The following ORC2 variants were observed in gnomAD, a reference collection of about 807,000 sequenced individuals.
ORC2 encodes origin recognition complex protein 2 homolog.
A neutral mutation model predicts 77.7 loss-of-function variants in ORC2; 37 were observed. The ratio of observed to expected loss-of-function variants is 0.48; its 90% CI spans 0.37 to 0.63. The LOEUF is 0.63. Ranked by LOEUF, ORC2 falls within the 20% of genes least tolerant of loss-of-function variation. The pLI, the probability that ORC2 is intolerant of heterozygous loss-of-function variation, is 0.00. For missense variants in ORC2, 557 were observed against 661.9 expected (o/e 0.84, Z 1.74); for synonymous variants, 201 against 229.5 (o/e 0.88, Z 1.12).
chr2:200,931,428 C>G lies in ORC2; in HGVS notation c.828G>C (p.Leu276Phe), dbSNP rs201070666. The G allele has an allele frequency of 6.5e-7, 1 of 1,547,862 alleles. No homozygotes were observed. The highest frequency in any genetic ancestry group is 8.7e-7 in the Non-Finnish European group (1 of 1,151,952). ...CAGAAAAGGAAGGGGAAACCTTGCT[C>G]AATAAGTTACGCAAAGTTTGCTTTA... ...KLDQQTLRNL[L>F]SKVSPSFSAE... The change falls in exon 11 of 18, where the codon TTG (leucine) becomes TTC (phenylalanine). Residue 276 changes from leucine to phenylalanine, a missense_variant. Physicochemically the swap from Leu to Phe is conservative, Grantham distance 22. Transcript: ENST00000234296.
chr2:200,942,592 T>A (rs572243667), intron 6 of ORC2, 93 bp downstream of exon 6: 1 of 578,376 alleles, frequency 1.7e-6, no homozygotes, highest in Admixed American at 3.6e-5. Flanking sequence ...GAAGAAAATA[T>A]ATATAAAAAT....
chr2:200,941,344 T>C, intron 6 of ORC2, 65 bp from the exon 7 acceptor site: 1 of 1,467,638 alleles, frequency 6.8e-7, no homozygotes. Flanking sequence ...TGGTCTAGTT[T>C]CATTAAAAGT....
intron 7 of ORC2, among the ~76,000 whole-genome samples, chr2:200,940,956 A>G (rs1170490518): frequency 6.6e-6 from 1 of 152,054 alleles, no homozygotes; most frequent in Admixed American, 6.6e-5. Flanking sequence ...AAAACCCCAA[A>G]CATTTTCAGG....
At chr2:200,934,845 GC>G (rs2041007572) in intron 9 of ORC2, among the ~76,000 whole-genome samples, 1 of 152,164 alleles carries the variant, frequency 6.6e-6, no homozygotes, top group Non-Finnish European at 1.5e-5. Flanking sequence ...GGGACAGAAA[GC>G]TATTTAAGCA....
chr2:200,923,274 A>G (rs1553494100), intron 13 of ORC2, among the ~76,000 whole-genome samples: 1 of 152,158 alleles, frequency 6.6e-6, no homozygotes, highest in Non-Finnish European at 1.5e-5. Flanking sequence ...TTGGAGACGG[A>G]GTCTCGCTCT....
At chr2:200,934,545 T>C (rs2041001722) in intron 9 of ORC2, among the ~76,000 whole-genome samples, 1 of 149,936 alleles carries the variant, frequency 6.7e-6, no homozygotes, top group Non-Finnish European at 1.5e-5. Flanking sequence ...TCCAGGCTGG[T>C]TTCAAACTCC....
At chr2:200,938,932 G>A (rs921967616) in intron 7 of ORC2, among the ~76,000 whole-genome samples, 2 of 151,914 alleles carry the variant, frequency 1.3e-5, no homozygotes, top group South Asian at 4.1e-4. Context: ...CCAGCTACTC[G>A]AGAGGTTGAG....
intron 16 of ORC2, 38 bp from the exon 17 acceptor site, chr2:200,913,451 TTAA>T: frequency 6.5e-7 from 1 of 1,545,654 alleles, no homozygotes; most frequent in Non-Finnish European, 8.8e-7. Context: ...AAGTCAGCAC[TTAA>T]GACATGACCC....
intron 9 of ORC2, among the ~76,000 whole-genome samples, chr2:200,934,278 AT>A (rs1435911242): frequency 6.6e-6 from 1 of 151,962 alleles, no homozygotes; most frequent in East Asian, 1.9e-4. Flanking sequence ...ATGGTTTTAT[AT>A]ATCAAGATCT....
At chr2:200,921,226 C>T in intron 13 of ORC2, 87 bp from the exon 14 acceptor site, 1 of 771,050 alleles carries the variant, frequency 1.3e-6, no homozygotes, top group South Asian at 2.8e-5. Flanking sequence ...GTGGTACAAT[C>T]ATAGCTCACT....
At chr2:200,915,003 C>CTTTTTTTTT (rs1158807101) in intron 15 of ORC2, among the ~76,000 whole-genome samples, 5 of 65,284 alleles carry the variant, frequency 7.7e-5, no homozygotes, top group Non-Finnish European at 1.2e-4. Context: ...CTTCCCACGT[C>CTTTTTTTTT]TTTTTTTTTT....
rs2041622583 is a variant in ORC2 at position 200,963,531 on chromosome 2, G to T, written c.-101C>A. 1 of 398,494 alleles carries T rather than the reference G, an allele frequency of 2.5e-6. No homozygotes were observed. The highest frequency in any genetic ancestry group is 3.6e-5 in the East Asian group (1 of 28,088). 24.7% of individuals were successfully genotyped at this position (398,494 alleles called of 1,614,324 possible). ...GGCGCCGATCCGGCTGCGTCACGCC[G>T]GCCGAACGACACCCCGCTGAGTCGC... On this transcript the variant is annotated 5_prime_UTR_variant, in exon 1 of 18. Transcript: ENST00000234296.
intron 13 of ORC2, among the ~76,000 whole-genome samples, chr2:200,924,877 C>G (rs16835779): frequency 0.054 from 8,222 of 151,894 alleles, 501 homozygotes; most frequent in African/African-American, 0.15. Context: ...TCCTGCCTCA[C>G]CCTCCCAAGT....
In ORC2 at chr2:200,919,573, G is replaced by A. The variant is rs561875845; in HGVS notation, c.1466+649C>T. 1.2e-4 allele frequency among the ~76,000 whole-genome samples: 18 copies of A among 152,298 alleles called. No homozygotes were observed. In the East Asian group the frequency reaches 3.5e-3, roughly 29 times the overall value. The stretch of plus-strand genomic sequence containing the variant: ...GGGGTTTCCCCATGTCGGCCAGGCT[G>A]GTCTCGAACTCCTGACCTCAAGTGA... On this transcript the variant is annotated intron_variant, in intron 15 of 17. Transcript: ENST00000234296.
intron 15 of ORC2, among the ~76,000 whole-genome samples, chr2:200,918,967 C>G (rs2040709766): frequency 6.6e-6 from 1 of 152,002 alleles, no homozygotes. Context: ...TCAGCTGAGA[C>G]TATGGGTGTA....
chr2:200,928,795 C>A (rs1400773773), intron 11 of ORC2, among the ~76,000 whole-genome samples: 1 of 148,236 alleles, frequency 6.7e-6, no homozygotes, highest in Non-Finnish European at 1.5e-5. Context: ...GCCTGGGCAA[C>A]AGAGCAAGAC....
rs530284196 is a variant in ORC2 at position 200,954,036 on chromosome 2, C to CT, written c.238+3364dup. Among the ~76,000 whole-genome samples, 1,308 of 140,332 alleles carry CT rather than the reference C, an allele frequency of 9.3e-3. 19 individuals carry two copies. The highest frequency in any genetic ancestry group is 0.027 in the African/African-American group (1,047 of 38,528). 92.1% of individuals were successfully genotyped at this position (140,332 alleles called of 152,430 possible). A position where few individuals can be genotyped will look rare whatever the true frequency, so the allele number is the denominator to read the frequency against. Reference sequence around the variant, plus strand: ...ATTTGGGATTTCTTTCTTTCTTTTTCTTTTTTTTTTTTTGAGATGGATTTT... The same window carrying CT: ...ATTTGGGATTTCTTTCTTTCTTTTTCTTTTTTTTTTTTTTGAGATGGATTTT... On this transcript the variant is annotated intron_variant, in intron 4 of 17. Coordinates refer to ENST00000234296, the MANE Select transcript of ORC2 (RefSeq NM_006190.5).
chr2:200,957,436 T>G lies in ORC2; in HGVS notation c.203A>C (p.Gln68Pro). The G allele has an allele frequency of 6.2e-7, 1 of 1,609,568 alleles. No individual in the cohort carries two copies. The highest frequency in any genetic ancestry group is 2.2e-5 in the East Asian group (1 of 44,586). Reference protein sequence around the residue: ...EEDDQEVLKDQNYVEIMGRDV... With the variant: ...EEDDQEVLKDPNYVEIMGRDV... Reference sequence around the variant, plus strand: ...TCTTCCCATAATTTCCACATAGTTCTGATCTTTTAAGACCTCCTGGTCATC... The same window carrying G: ...TCTTCCCATAATTTCCACATAGTTCGGATCTTTTAAGACCTCCTGGTCATC... The change falls in exon 4 of 18, where the codon CAG (glutamine) becomes CCG (proline). Residue 68 changes from glutamine to proline, a missense_variant. By Grantham distance (76) the Gln-to-Pro change is moderately conservative. Transcript: ENST00000234296.
At chr2:200,932,869 AACTTCTGACTG>A (rs2040967703) in intron 10 of ORC2, among the ~76,000 whole-genome samples, 1 of 152,222 alleles carries the variant, frequency 6.6e-6, no homozygotes, top group Non-Finnish European at 1.5e-5. Context: ...TAGATCAGCC[AACTTCTGACTG>A]ACTTGCAGAC....
Sources: allele counts gnomAD v4.1 joint callset (sites outside exome capture counted in the v4.1 genomes callset), GRCh38; gene constraint gnomAD v4.1.1; transcripts MANE v1.5; gene names NCBI Gene and HGNC (gene_info 2026-07-23, HGNC 2026-07-21).